Variants in SORCS2 observed in about 807,000 individuals in gnomAD.
The protein encoded by SORCS2 is sortilin related VPS10 domain containing receptor 2.
A neutral mutation model predicts 141.6 loss-of-function variants in SORCS2; 100 were observed. The ratio of observed to expected loss-of-function variants is 0.71; its 90% confidence interval spans 0.60 to 0.83. The LOEUF (loss-of-function observed/expected upper bound fraction) is 0.83. Ranked by LOEUF, SORCS2 falls within the 40% of genes least tolerant of loss-of-function variation. SORCS2 has a pLI of 0.00. For missense variants in SORCS2, 1,646 were observed against 1,560.2 expected (o/e 1.05, Z -0.93); for synonymous variants, 789 against 676.9 (o/e 1.17, Z -2.57).
At chr4:7,552,880 A>G (rs891072765) in intron 3 of SORCS2, among the ~76,000 whole-genome samples, 3 of 152,142 alleles carry the variant, frequency 2.0e-5, no homozygotes, top group Non-Finnish European at 2.9e-5. Context: ...TCTCTGTAGA[A>G]GTATAGTGGT....
rs1484169614 is a variant in SORCS2, at chr4:7,740,925, G to T, written c.*661G>T. 3.8e-5 allele frequency: 15 copies of T among 398,032 alleles called. No homozygotes were observed. Among genetic ancestry groups the T allele is most frequent in the Non-Finnish European group, 6.6e-5 (15 of 226,414 alleles). The allele number at this position is 398,032 out of a possible 1,614,324, so 24.7% of individuals were successfully genotyped here. A position where few individuals can be genotyped will look rare whatever the true frequency, so the allele number is the denominator to read the frequency against. On this transcript the variant is annotated 3_prime_UTR_variant, in exon 27 of 27. Coordinates refer to ENST00000507866, the MANE Select transcript of SORCS2 (RefSeq NM_020777.3). The stretch of plus-strand genomic sequence containing the variant: ...TGGCTCTGTCAGAGTTCCGTACTCG[G>T]GAGCCCCTTTCCCTGAGTGCCCAGG...
At chr4:7,530,504 C>G (rs1210407449) in intron 2 of SORCS2, among the ~76,000 whole-genome samples, 2 of 152,226 alleles carry the variant, frequency 1.3e-5, no homozygotes, top group Non-Finnish European at 2.9e-5. Context: ...ACCCCTGTGC[C>G]TCTCCCCACC....
intron 11 of SORCS2, among the ~76,000 whole-genome samples, chr4:7,695,272 G>GTGGATGGA (rs1196852853): frequency 4.9e-5 from 6 of 121,642 alleles, no homozygotes; most frequent in African/African-American, 1.9e-4. Flanking sequence ...GGATGGGTGG[G>GTGGATGGA]TGGATGGATG....
In SORCS2 at chr4:7,689,509, C is replaced by G. The variant is rs183518374; in HGVS notation, c.1512C>G (p.His504Gln). Residue 504 changes from histidine to glutamine, a missense_variant, in exon 11 of 27, where the codon CAC (histidine) becomes CAG (glutamine). Coordinates refer to ENST00000507866, the MANE Select transcript of SORCS2 (RefSeq NM_020777.3). Reference sequence around the variant, plus strand: ...AGCCAGACTGCCACCTGCACCTGCACCTGCGCTGGGCAGACAACCCCTACG... The same window carrying G: ...AGCCAGACTGCCACCTGCACCTGCAGCTGCGCTGGGCAGACAACCCCTACG... ...CKPPDCHLHL[H>Q]LRWADNPYVS... 6 of 1,604,166 alleles carry G rather than the reference C, an allele frequency of 3.7e-6. No homozygotes were observed. The highest frequency in any genetic ancestry group is 5.1e-6 in the Non-Finnish European group (6 of 1,176,008).
intron 3 of SORCS2, among the ~76,000 whole-genome samples, chr4:7,631,590 T>C (rs1369371989): frequency 6.6e-6 from 1 of 152,088 alleles, no homozygotes; most frequent in African/African-American, 2.4e-5. Context: ...GGGGCTGCCC[T>C]GACTAGTACA....
rs1320616780 is a variant in SORCS2 at position 7,648,793 on chromosome 4, G to A, written c.814-5341G>A. Reference sequence around the variant, plus strand: ...CCCCGGGGAGCAATGGGAGTGGACTGAGTGCCGTGGTAGAGGAAGAGAGGC... The same window carrying A: ...CCCCGGGGAGCAATGGGAGTGGACTAAGTGCCGTGGTAGAGGAAGAGAGGC... On this transcript the variant is annotated intron_variant, in intron 4 of 26. Coordinates refer to ENST00000507866, the MANE Select transcript of SORCS2 (RefSeq NM_020777.3). The surrounding 1 kb of genome is among the most constrained non-coding windows in gnomAD (Gnocchi z 4.2). Among the ~76,000 whole-genome samples, 1 of 152,118 alleles carries A rather than the reference G, an allele frequency of 6.6e-6. No homozygotes were observed.
chr4:7,375,067 G>A (rs1326065373), intron 1 of SORCS2, among the ~76,000 whole-genome samples: 1 of 152,202 alleles, frequency 6.6e-6, no homozygotes, highest in Non-Finnish European at 1.5e-5. Context: ...AATGTGCAGG[G>A]TAAGTCATGG....
At chr4:7,382,404 C>A (rs957678225) in intron 1 of SORCS2, among the ~76,000 whole-genome samples, 1 of 152,108 alleles carries the variant, frequency 6.6e-6, no homozygotes, top group Non-Finnish European at 1.5e-5. Context: ...AGGGTTAATG[C>A]CCCTGTAAGG....
chr4:7,426,001 C>G (rs73086321), intron 2 of SORCS2, among the ~76,000 whole-genome samples: 2,059 of 152,362 alleles, frequency 0.014, 38 homozygotes, highest in African/African-American at 0.047. Context: ...ACCCGGAGCA[C>G]AGGTCTCAGG....
intron 11 of SORCS2, among the ~76,000 whole-genome samples, chr4:7,694,625 G>A (rs1227873121): frequency 1.3e-5 from 2 of 152,192 alleles, no homozygotes; most frequent in Non-Finnish European, 2.9e-5. Context: ...CTGGCGCCTG[G>A]GATAGCAGAA....
At chr4:7,697,396 C>A in intron 12 of SORCS2, 122 bp downstream of exon 12, 1 of 859,152 alleles carries the variant, frequency 1.2e-6, no homozygotes, top group Non-Finnish European at 1.8e-6. Context: ...TGAGCCATGT[C>A]TCCCATCTTG....
chr4:7,676,763 C>T lies in SORCS2; in HGVS notation c.1341+534C>T, dbSNP rs150402735. Among the ~76,000 whole-genome samples the T allele has an allele frequency of 5.8e-4, 81 of 140,614 alleles. 4 individuals carry two copies. In the East Asian group the frequency reaches 0.015, roughly 26 times the overall value. The allele number at this position is 140,614 out of a possible 152,430, so 92.2% of individuals were successfully genotyped here. A position where few individuals can be genotyped will look rare whatever the true frequency, so the allele number is the denominator to read the frequency against. On this transcript the variant is annotated intron_variant, in intron 9 of 26. Transcript: ENST00000507866. Reference sequence around the variant, plus strand: ...CTCTCCACCCCCGCCCTGTCATCTCCTCCTTCCTCTCCCTCTGTGTGTCTG... The same window carrying T: ...CTCTCCACCCCCGCCCTGTCATCTCTTCCTTCCTCTCCCTCTGTGTGTCTG...
intron 1 of SORCS2, among the ~76,000 whole-genome samples, chr4:7,390,182 G>T (rs772641496): frequency 2.6e-5 from 4 of 152,196 alleles, no homozygotes; most frequent in Non-Finnish European, 5.9e-5. Flanking sequence ...ATTGATTTTG[G>T]AGTTGGCAAT....
intron 3 of SORCS2, among the ~76,000 whole-genome samples, 189 bp downstream of exon 3, chr4:7,531,818 C>A (rs1711681773): frequency 6.6e-6 from 1 of 152,258 alleles, no homozygotes; most frequent in Non-Finnish European, 1.5e-5. Flanking sequence ...TGCTTTAAAC[C>A]AGAGGCCAGG....
At chr4:7,403,057 C>A (rs1724701937) in intron 2 of SORCS2, among the ~76,000 whole-genome samples, 1 of 152,082 alleles carries the variant, frequency 6.6e-6, no homozygotes, top group African/African-American at 2.4e-5. Context: ...AGGAGGTTTC[C>A]TCCTAAGAAT....
At chr4:7,698,324 C>T (rs1724840766) in intron 12 of SORCS2, among the ~76,000 whole-genome samples, 1 of 152,272 alleles carries the variant, frequency 6.6e-6, no homozygotes, top group Non-Finnish European at 1.5e-5. Context: ...CCCTCCCACA[C>T]AGCAATGCTC....
chr4:7,683,259 ACCTTGGCTGGGCTCAGCTGAGCG>A (rs1401520516), intron 10 of SORCS2, among the ~76,000 whole-genome samples: 22 of 83,168 alleles, frequency 2.6e-4, no homozygotes, highest in African/African-American at 1.3e-3. Context: ...GGCTCTGCTG[ACCTTGGCTGGGCTCAGCTGAGCG>A]GCTCTGCTGA....
At chr4:7,219,939 C>A (rs1728602498) in intron 1 of SORCS2, among the ~76,000 whole-genome samples, 1 of 152,250 alleles carries the variant, frequency 6.6e-6, no homozygotes, top group African/African-American at 2.4e-5. Flanking sequence ...ACCGTGATGA[C>A]TCCATGTCGT....
intron 26 of SORCS2, 171 bp downstream of exon 26, chr4:7,737,343 A>G (rs1414354505): frequency 2.4e-6 from 2 of 840,312 alleles, no homozygotes; most frequent in Non-Finnish European, 3.6e-6. Context: ...CCTCCATCTG[A>G]TGAGGGGATG....
Sources: gnomAD v4.1 joint callset for allele counts (sites outside exome capture counted in the v4.1 genomes callset) on GRCh38, gnomAD v4.1.1 for gene constraint, Gnocchi (gnomAD v3.1) non-coding constraint, MANE v1.5 for transcripts, NCBI Gene and HGNC (gene_info 2026-07-23, HGNC 2026-07-21) for gene names.